The following EPHA3 variants were observed in gnomAD, a reference collection of about 807,000 sequenced individuals.
EPHA3 encodes the protein ephrin type-A receptor 3.
EPHA3 carries 42 observed loss-of-function variants against 107.1 expected under a neutral mutation model. The observed-to-expected ratio is 0.39, with a 90% CI of 0.31 to 0.51. The LOEUF is 0.51. EPHA3 is among the 20% of genes least tolerant of loss of function. The probability of loss-of-function intolerance (pLI) is 0.78; values close to 1 mark genes in which losing one functional copy is unlikely to be tolerated. For missense variants in EPHA3, 1,183 were observed against 1,211.2 expected, an observed-to-expected ratio of 0.98 and a Z score of 0.35; for synonymous variants, 461 against 424.8, an observed-to-expected ratio of 1.09 and a Z score of -1.05.
intron 3 of EPHA3, 124 bp downstream of exon 3, chr3:89,210,644 T>C (rs1706255406): frequency 2.0e-6 from 2 of 980,016 alleles, no homozygotes; most frequent in East Asian, 5.0e-5. Flanking sequence ...AAACTGACCA[T>C]AGTCTATTTA....
chr3:89,384,325 C>T (rs1007849077), intron 5 of EPHA3, among the ~76,000 whole-genome samples: 2 of 152,036 alleles, frequency 1.3e-5, no homozygotes, highest in Non-Finnish European at 2.9e-5. Context: ...AGTTAATGTT[C>T]TTACCCAAGA....
intron 5 of EPHA3, among the ~76,000 whole-genome samples, chr3:89,370,837 G>T (rs1252302263): frequency 6.6e-6 from 1 of 151,612 alleles, no homozygotes; most frequent in East Asian, 1.9e-4. Context: ...ACCTGAAACA[G>T]GTTGTGAAGT....
chr3:89,176,567 C>A (rs897335306), intron 2 of EPHA3, among the ~76,000 whole-genome samples: 3 of 151,208 alleles, frequency 2.0e-5, no homozygotes, highest in African/African-American at 2.4e-5. Flanking sequence ...AGTTACTTAA[C>A]CTTTCTAATT....
rs1294487944 is a variant in EPHA3 at position 89,357,659 on chromosome 3, G to A, written c.1306+15569G>A. On this transcript the variant is annotated intron_variant, in intron 5 of 16. Transcript: ENST00000336596. ...CTCTATTTCTGTTTCAAGTAGTAAA[G>A]CTTGTTTTATTTCTCTTCTATTGAA... Among the ~76,000 whole-genome samples, 4 of 150,954 alleles carry A rather than the reference G, an allele frequency of 2.6e-5. 1 individual carries two copies. Among genetic ancestry groups the A allele is most frequent in the African/African-American group, 7.3e-5 (3 of 41,292 alleles).
chr3:89,126,743 G>A (rs1350122846), intron 1 of EPHA3, among the ~76,000 whole-genome samples: 2 of 151,650 alleles, frequency 1.3e-5, no homozygotes, highest in Non-Finnish European at 3.0e-5. Context: ...AGCCAGGGAT[G>A]ATATGAAGGT....
intron 11 of EPHA3, among the ~76,000 whole-genome samples, chr3:89,425,045 C>A (rs1709429064): frequency 6.6e-6 from 1 of 151,230 alleles, no homozygotes; most frequent in African/African-American, 2.4e-5. Flanking sequence ...GTAACTGGCA[C>A]AGTGGTAGGT....
At chr3:89,285,925 T>C (rs182227798) in intron 3 of EPHA3, among the ~76,000 whole-genome samples, 305 of 152,134 alleles carry the variant, frequency 2.0e-3, no homozygotes, top group Admixed American at 4.3e-3. Context: ...GAAGAAGCGT[T>C]GGTCAACTGG....
chr3:89,191,016 A>G (rs1051734727), intron 2 of EPHA3, among the ~76,000 whole-genome samples: 1 of 152,172 alleles, frequency 6.6e-6, no homozygotes, highest in Non-Finnish European at 1.5e-5. Context: ...TCAGCCCATA[A>G]TATATGTTTA....
chr3:89,368,417 T>G (rs1393802563), intron 5 of EPHA3, among the ~76,000 whole-genome samples: 3 of 150,334 alleles, frequency 2.0e-5, no homozygotes, highest in African/African-American at 7.3e-5. Flanking sequence ...GTTTGCATAA[T>G]TATGGAGGCC....
At chr3:89,175,011 T>G (rs1220925621) in intron 2 of EPHA3, among the ~76,000 whole-genome samples, 1 of 151,930 alleles carries the variant, frequency 6.6e-6, no homozygotes, top group Non-Finnish European at 1.5e-5. Flanking sequence ...CTTTTTCTGT[T>G]AAACTAAGCT....
intron 2 of EPHA3, among the ~76,000 whole-genome samples, chr3:89,166,272 G>T (rs1348996632): frequency 3.3e-5 from 5 of 152,232 alleles, no homozygotes; most frequent in African/African-American, 1.2e-4. Flanking sequence ...TATGGTAGTT[G>T]TTCAGCTTTT....
intron 16 of EPHA3, among the ~76,000 whole-genome samples, chr3:89,473,118 T>C (rs1184754855): frequency 6.6e-6 from 1 of 152,198 alleles, no homozygotes; most frequent in African/African-American, 2.4e-5. Flanking sequence ...TAACAACATG[T>C]ATTCATCATT....
intron 2 of EPHA3, among the ~76,000 whole-genome samples, chr3:89,150,580 A>C (rs1704670451): frequency 6.6e-6 from 1 of 152,046 alleles, no homozygotes; most frequent in Non-Finnish European, 1.5e-5. Flanking sequence ...TAACTTCCCC[A>C]GATGCACATA....
intron 3 of EPHA3, among the ~76,000 whole-genome samples, chr3:89,211,676 TC>T (rs1439833609): frequency 8.6e-5 from 13 of 151,364 alleles, no homozygotes; most frequent in African/African-American, 2.9e-4. Context: ...TTCCTCCTCC[TC>T]CTCCTCTCTC....
At position 89,160,548 on chromosome 3, in the gene EPHA3, T is replaced by TTG. The variant is rs1164056787; in HGVS notation, c.153+33316_153+33317dup. Among the ~76,000 whole-genome samples the TTG allele has an allele frequency of 2.3e-3, 283 of 120,518 alleles. 2 individuals carry two copies. The highest frequency in any genetic ancestry group is 8.6e-3 in the African/African-American group (242 of 28,194). 79.1% of individuals were successfully genotyped at this position (120,518 alleles called of 152,430 possible). A position where few individuals can be genotyped will look rare whatever the true frequency, so the allele number is the denominator to read the frequency against. ...AGTCAGAGAAAAGTAATATTAGATTTTGTGTGTGTGTGTGTGTGTGTGTGT... is the reference window on the plus strand; with the variant it reads ...AGTCAGAGAAAAGTAATATTAGATTTTGTGTGTGTGTGTGTGTGTGTGTGTGT... On this transcript the variant is annotated intron_variant, in intron 2 of 16. Transcript: ENST00000336596.
chr3:89,373,415 T>A (rs2107474196), intron 5 of EPHA3, among the ~76,000 whole-genome samples: 1 of 152,058 alleles, frequency 6.6e-6, no homozygotes, highest in South Asian at 2.1e-4. Flanking sequence ...TATTTCTGCA[T>A]CATTTTCCAA....
At chr3:89,433,297 T>C (rs1226217731) in intron 13 of EPHA3, among the ~76,000 whole-genome samples, 1 of 149,866 alleles carries the variant, frequency 6.7e-6, no homozygotes, top group African/African-American at 2.5e-5. Flanking sequence ...AAAAGTTTAT[T>C]CCCGATTAAA....
At chr3:89,170,927 A>C (rs1259948460) in intron 2 of EPHA3, among the ~76,000 whole-genome samples, 1 of 122,054 alleles carries the variant, frequency 8.2e-6, no homozygotes, top group African/African-American at 3.0e-5. Context: ...GCATATGCTA[A>C]CTCTTTAAAA....
chr3:89,210,808 A>T (rs1173067763), intron 3 of EPHA3, among the ~76,000 whole-genome samples: 3 of 152,144 alleles, frequency 2.0e-5, no homozygotes, highest in African/African-American at 7.2e-5. Flanking sequence ...AGGTAATCTA[A>T]TTCTAGACCA....
Sources: allele counts gnomAD v4.1 joint callset (sites outside exome capture counted in the v4.1 genomes callset), GRCh38; gene constraint gnomAD v4.1.1; transcripts MANE v1.5; gene names NCBI Gene and HGNC (gene_info 2026-07-23, HGNC 2026-07-21).